The following KCNIP4 variants were observed in gnomAD, a reference collection of about 807,000 sequenced individuals.
The protein encoded by KCNIP4 is Kv channel-interacting protein 4.
KCNIP4 carries 12 observed loss-of-function variants against 34.0 expected under a neutral mutation model. The ratio of observed to expected loss-of-function variants is 0.35; its 90% confidence interval spans 0.23 to 0.57. KCNIP4 has a LOEUF of 0.57. KCNIP4 is among the 20% of genes least tolerant of loss of function. The pLI, the probability that KCNIP4 is intolerant of heterozygous loss-of-function variation, is 0.83. For missense variants in KCNIP4, 238 were observed against 311.7 expected (o/e 0.76, Z 1.78); for synonymous variants, 124 against 102.2 (o/e 1.21, Z -1.29).
chr4:20,907,571 C>T (rs1219575698), intron 1 of KCNIP4, among the ~76,000 whole-genome samples: 2 of 151,998 alleles, frequency 1.3e-5, no homozygotes, highest in Non-Finnish European at 2.9e-5. Context: ...GAGTAAACTG[C>T]TATGGACAAC....
chr4:21,106,789 T>A (rs1416764702), intron 1 of KCNIP4, among the ~76,000 whole-genome samples: 1 of 151,612 alleles, frequency 6.6e-6, no homozygotes, highest in Non-Finnish European at 1.5e-5. Flanking sequence ...GAGATTCTGG[T>A]ATGTTGTGTC....
At chr4:20,882,137 C>G (rs17557419) in intron 2 of KCNIP4, among the ~76,000 whole-genome samples, 24,213 of 152,074 alleles carry the variant, frequency 0.16, 2,126 homozygotes, top group Middle Eastern at 0.21. Flanking sequence ...GGGAAAGAAT[C>G]AACAAAGAAG....
intron 1 of KCNIP4, among the ~76,000 whole-genome samples, chr4:21,919,013 T>C (rs570909421): frequency 6.6e-6 from 1 of 152,230 alleles, no homozygotes; most frequent in Admixed American, 6.5e-5. Context: ...GAACATCTTA[T>C]AAGACAGAAC....
chr4:21,689,353 G>A (rs1024797605), intron 1 of KCNIP4, among the ~76,000 whole-genome samples: 5 of 151,998 alleles, frequency 3.3e-5, no homozygotes, highest in Non-Finnish European at 5.9e-5. Context: ...CAGTAATAGC[G>A]ACAAATTTGT....
intron 1 of KCNIP4, among the ~76,000 whole-genome samples, chr4:21,327,638 G>A (rs748513499): frequency 9.2e-5 from 14 of 151,902 alleles, no homozygotes; most frequent in South Asian, 4.2e-4. Flanking sequence ...ATTTCTACCC[G>A]TAGCTCTCTC....
chr4:21,519,510 A>G (rs1229615385), intron 1 of KCNIP4, among the ~76,000 whole-genome samples: 14 of 114,814 alleles, frequency 1.2e-4, no homozygotes, highest in African/African-American at 4.3e-4. Context: ...GTGTATGTGT[A>G]TATACACATA....
chr4:21,703,778 C>A (rs1022115241), intron 1 of KCNIP4, among the ~76,000 whole-genome samples: 2 of 152,054 alleles, frequency 1.3e-5, no homozygotes, highest in African/African-American at 4.8e-5. Flanking sequence ...GATGTCAGTT[C>A]TTTACTGCAA....
At chr4:20,947,630 C>T (rs1022965586) in intron 1 of KCNIP4, among the ~76,000 whole-genome samples, 3 of 152,104 alleles carry the variant, frequency 2.0e-5, no homozygotes, top group Non-Finnish European at 2.9e-5. Flanking sequence ...ATTAAAATAA[C>T]CTAAATACAG....
At chr4:21,486,961 C>A (rs943091392) in intron 1 of KCNIP4, among the ~76,000 whole-genome samples, 4 of 151,762 alleles carry the variant, frequency 2.6e-5, no homozygotes, top group Admixed American at 6.6e-5. Flanking sequence ...TCACACCTGG[C>A]TAATTTTTTT....
intron 1 of KCNIP4, among the ~76,000 whole-genome samples, chr4:21,643,401 CA>C (rs1288505961): frequency 6.6e-6 from 1 of 152,048 alleles, no homozygotes; most frequent in Non-Finnish European, 1.5e-5. Flanking sequence ...TCATGTTAAG[CA>C]AAAGTATTGC....
At chr4:20,733,354 C>T (rs1346433388) in intron 6 of KCNIP4, among the ~76,000 whole-genome samples, 1 of 152,056 alleles carries the variant, frequency 6.6e-6, no homozygotes, top group Non-Finnish European at 1.5e-5. Flanking sequence ...TTAACTTTTT[C>T]TCTAAAACAG....
chr4:21,459,488 C>G (rs1729259025), intron 1 of KCNIP4, among the ~76,000 whole-genome samples: 1 of 152,026 alleles, frequency 6.6e-6, no homozygotes, highest in South Asian at 2.1e-4. Context: ...CACACTCTCA[C>G]TGGTTTTACC....
chr4:21,188,291 AG>A (rs1755386581), intron 1 of KCNIP4, among the ~76,000 whole-genome samples: 1 of 152,148 alleles, frequency 6.6e-6, no homozygotes, highest in Non-Finnish European at 1.5e-5. Context: ...TTTTCAAAGC[AG>A]CAATCTCTTG....
At chr4:20,764,395 AC>A (rs2149368171) in intron 3 of KCNIP4, among the ~76,000 whole-genome samples, 1 of 152,238 alleles carries the variant, frequency 6.6e-6, no homozygotes, top group African/African-American at 2.4e-5. Context: ...CATTGAACTT[AC>A]CATACTGTTG....
intron 1 of KCNIP4, among the ~76,000 whole-genome samples, chr4:21,324,630 C>T (rs1289104205): frequency 2.0e-5 from 3 of 151,308 alleles, no homozygotes; most frequent in African/African-American, 7.3e-5. Context: ...ATGCCAGTGC[C>T]TTACTGTTTT....
intron 1 of KCNIP4, among the ~76,000 whole-genome samples, chr4:21,682,629 G>C (rs1393411573): frequency 2.0e-5 from 3 of 152,114 alleles, no homozygotes; most frequent in African/African-American, 7.2e-5. Context: ...CATTAAGCTT[G>C]ATTATTTCTA....
At chr4:21,789,259 T>C (rs1301204247) in intron 1 of KCNIP4, among the ~76,000 whole-genome samples, 4 of 152,146 alleles carry the variant, frequency 2.6e-5, no homozygotes, top group African/African-American at 7.2e-5. Flanking sequence ...GTTGTATAAA[T>C]TTTCATTTAC....
At chr4:21,634,848 T>C (rs1242845480) in intron 1 of KCNIP4, among the ~76,000 whole-genome samples, 1 of 152,092 alleles carries the variant, frequency 6.6e-6, no homozygotes, top group East Asian at 1.9e-4. Context: ...CATTTCCCTT[T>C]AAAGAACTCA....
At chr4:21,554,548 T>A (rs1738835076) in intron 1 of KCNIP4, among the ~76,000 whole-genome samples, 1 of 152,178 alleles carries the variant, frequency 6.6e-6, no homozygotes, top group South Asian at 2.1e-4. Context: ...ATATTAGAAC[T>A]AAATTCAGTT....
Sources: gnomAD v4.1 joint callset for allele counts (sites outside exome capture counted in the v4.1 genomes callset) on GRCh38, gnomAD v4.1.1 for gene constraint, MANE v1.5 for transcripts, NCBI Gene and HGNC (gene_info 2026-07-23, HGNC 2026-07-21) for gene names.